SLC25A21: variants seen among roughly 807,000 people sequenced by gnomAD.
The protein encoded by SLC25A21 is solute carrier family 25 member 21.
A neutral mutation model predicts 43.8 loss-of-function variants in SLC25A21; 47 were observed. That is an observed-to-expected ratio of 1.07 (90% confidence interval 0.85 to 1.37). The LOEUF is 1.37. Ranked by LOEUF, SLC25A21 falls within the 40% of genes most tolerant of loss-of-function variation. The pLI, the probability that SLC25A21 is intolerant of heterozygous loss-of-function variation, is 0.00. For missense variants in SLC25A21, 352 were observed against 350.2 expected (o/e 1.00, Z -0.04); for synonymous variants, 131 against 121.3 (o/e 1.08, Z -0.52).
chr14:37,093,805 G>T (rs191133977), intron 1 of SLC25A21, among the ~76,000 whole-genome samples: 1 of 152,098 alleles, frequency 6.6e-6, no homozygotes, highest in Non-Finnish European at 1.5e-5. Flanking sequence ...CCAACGTGGT[G>T]GGATTCTACC....
chr14:36,790,959 C>G, intron 3 of SLC25A21, among the ~76,000 whole-genome samples: 1 of 151,554 alleles, frequency 6.6e-6, no homozygotes, highest in African/African-American at 2.4e-5. Context: ...ATAATAGAGT[C>G]CAAATTAAAT....
At chr14:36,963,987 A>G (rs1353886472) in intron 1 of SLC25A21, among the ~76,000 whole-genome samples, 1 of 152,256 alleles carries the variant, frequency 6.6e-6, no homozygotes, top group East Asian at 1.9e-4. Context: ...TGCAAAGGCT[A>G]CTTAGCGCCT....
chr14:36,964,646 C>T (rs17105816), intron 1 of SLC25A21, among the ~76,000 whole-genome samples: 15,622 of 152,166 alleles, frequency 0.1, 941 homozygotes, highest in East Asian at 0.25. Flanking sequence ...TTATTGGTAC[C>T]TTGTCAACAC....
At chr14:37,021,695 A>G (rs1960988711) in intron 1 of SLC25A21, among the ~76,000 whole-genome samples, 1 of 151,950 alleles carries the variant, frequency 6.6e-6, no homozygotes, top group African/African-American at 2.4e-5. Context: ...AGTTGGGGGC[A>G]GGGGAGGAAG....
intron 1 of SLC25A21, among the ~76,000 whole-genome samples, chr14:36,883,392 G>C (rs1363335457): frequency 6.6e-6 from 1 of 152,050 alleles, no homozygotes. Flanking sequence ...GAGTAGTCCC[G>C]ACCACTCTAA....
At chr14:37,118,504 T>A (rs1273196087) in intron 1 of SLC25A21, among the ~76,000 whole-genome samples, 4 of 152,226 alleles carry the variant, frequency 2.6e-5, no homozygotes, top group Non-Finnish European at 4.4e-5. Context: ...TATGTAAAGC[T>A]CTTTCTCTAT....
chr14:36,921,419 G>A (rs1040712406), intron 1 of SLC25A21, among the ~76,000 whole-genome samples: 14 of 152,052 alleles, frequency 9.2e-5, no homozygotes, highest in Non-Finnish European at 1.6e-4. Context: ...GAATAAGAAC[G>A]TTCATAACTG....
Position 36,684,876 on chromosome 14 carries a change from C to T in SLC25A21, c.653G>A (p.Gly218Glu), listed in dbSNP as rs1033903243. The T allele has an allele frequency of 5.0e-6, 8 of 1,612,096 alleles. No individual in the cohort carries two copies. The highest frequency in any genetic ancestry group is 6.8e-6 in the Non-Finnish European group (8 of 1,179,506). The change falls in exon 8 of 10, where the codon GGG (glycine) becomes GAG (glutamate). Residue 218 changes from glycine to glutamate, a missense_variant. Gly to Glu is a moderately conservative substitution (Grantham distance 98, BLOSUM62 -2). Coordinates refer to ENST00000331299, the MANE Select transcript of SLC25A21 (RefSeq NM_030631.4). The stretch of plus-strand genomic sequence containing the variant: ...GATGTTAATGACTGAGGCTATTGTC[C>T]CCGAGAGAAGACCAATCCCAAATTT... Reference protein sequence around the residue: ...WRKFGIGLLSGTIASVINIPF... With the variant: ...WRKFGIGLLSETIASVINIPF...
intron 1 of SLC25A21, among the ~76,000 whole-genome samples, chr14:36,977,179 C>A (rs1254054327): frequency 1.3e-5 from 2 of 152,014 alleles, no homozygotes; most frequent in Non-Finnish European, 2.9e-5. Flanking sequence ...ATTTATTTTT[C>A]TGATCTGGGG....
chr14:36,803,118 T>C (rs1887924220), intron 3 of SLC25A21, among the ~76,000 whole-genome samples: 1 of 152,206 alleles, frequency 6.6e-6, no homozygotes, highest in Non-Finnish European at 1.5e-5. Flanking sequence ...AATGAAGTAA[T>C]ATCTTACCTT....
chr14:36,989,902 G>C (rs1312428380), intron 1 of SLC25A21, among the ~76,000 whole-genome samples: 2 of 152,038 alleles, frequency 1.3e-5, no homozygotes, highest in Non-Finnish European at 2.9e-5. Context: ...AAAAGGGAGA[G>C]AGAAAGAGAG....
At chr14:36,776,238 C>CTTTTTT (rs35856297) in intron 3 of SLC25A21, among the ~76,000 whole-genome samples, 12 of 89,896 alleles carry the variant, frequency 1.3e-4, no homozygotes, top group African/African-American at 2.0e-4. Context: ...TTCTTTCTTT[C>CTTTTTT]TTTTTTTTTT....
chr14:37,022,502 T>C (rs1054797981), intron 1 of SLC25A21, among the ~76,000 whole-genome samples: 4 of 152,004 alleles, frequency 2.6e-5, no homozygotes, highest in South Asian at 2.1e-4. Flanking sequence ...TTTATGGTTA[T>C]TATCAATGTA....
Position 36,711,337 on chromosome 14 carries a change from T to G in SLC25A21, c.584A>C (p.Asn195Thr), listed in dbSNP as rs1255601186. The part of the protein sequence containing the change: ...VYFGFYYNVK[N>T]MIPVNKDPIL... ...AGTTACCTTATTGACAGGAATCATG[T>G]TTTTGACATTGTAGTAGAAGCCAAA... Residue 195 changes from asparagine (N) to threonine (T), a missense_variant, in exon 7 of 10, where the codon AAC becomes ACC. By Grantham distance (65) the Asn-to-Thr change is moderately conservative. Transcript: ENST00000331299. 1.1e-5 allele frequency: 17 copies of G among 1,613,640 alleles called. No individual in the cohort carries two copies. In the South Asian group the frequency reaches 1.2e-4, roughly 11 times the overall value.
intron 6 of SLC25A21, among the ~76,000 whole-genome samples, chr14:36,713,331 A>G (rs955148014): frequency 1.3e-5 from 2 of 152,190 alleles, no homozygotes; most frequent in Non-Finnish European, 2.9e-5. Flanking sequence ...TAATTTGGAT[A>G]GCATCTTTCT....
At chr14:36,954,573 T>G (rs1959284326) in intron 1 of SLC25A21, among the ~76,000 whole-genome samples, 1 of 152,036 alleles carries the variant, frequency 6.6e-6, no homozygotes, top group African/African-American at 2.4e-5. Context: ...GTATCATGTA[T>G]AATATGATGT....
chr14:36,804,850 T>G (rs1887982549), intron 3 of SLC25A21, among the ~76,000 whole-genome samples: 1 of 152,214 alleles, frequency 6.6e-6, no homozygotes, highest in South Asian at 2.1e-4. Context: ...GATTTGAAAA[T>G]GTTCGGTTTT....
At chr14:36,702,083 A>C (rs1184299148) in intron 7 of SLC25A21, among the ~76,000 whole-genome samples, 1 of 152,188 alleles carries the variant, frequency 6.6e-6, no homozygotes, top group African/African-American at 2.4e-5. Flanking sequence ...CCCCAGTTAA[A>C]TAATTTAAGG....
intron 1 of SLC25A21, among the ~76,000 whole-genome samples, chr14:36,971,728 C>T (rs897561239): frequency 2.0e-5 from 3 of 152,048 alleles, no homozygotes; most frequent in Admixed American, 6.6e-5. Context: ...ATCTTCTTGG[C>T]GCCACACACG....
Sources: gnomAD v4.1 joint callset for allele counts (sites outside exome capture counted in the v4.1 genomes callset) on GRCh38, gnomAD v4.1.1 for gene constraint, MANE v1.5 for transcripts, NCBI Gene and HGNC (gene_info 2026-07-23, HGNC 2026-07-21) for gene names.